The following ANLN variants were observed in gnomAD, a reference collection of about 807,000 sequenced individuals.
The protein encoded by ANLN is anillin.
ANLN carries 59 observed loss-of-function variants against 135.1 expected under a neutral mutation model. The observed-to-expected ratio is 0.44, with a 90% CI of 0.35 to 0.54. ANLN has a LOEUF of 0.54. Ranked by LOEUF, ANLN falls within the 20% of genes least tolerant of loss-of-function variation. The pLI, the probability that ANLN is intolerant of heterozygous loss-of-function variation, is 0.00. For missense variants in ANLN, 1,182 were observed against 1,340.0 expected (o/e 0.88, Z 1.84); for synonymous variants, 406 against 456.4 (o/e 0.89, Z 1.41).
chr7:36,392,458 T>A (rs1786516710), intron 1 of ANLN, among the ~76,000 whole-genome samples: 1 of 148,200 alleles, frequency 6.7e-6, no homozygotes, highest in East Asian at 1.9e-4. Flanking sequence ...AAGCTTCAGT[T>A]ACCTGAGATT....
intron 3 of ANLN, 114 bp from the exon 4 acceptor site, chr7:36,406,067 T>C: frequency 1.1e-6 from 1 of 946,772 alleles, no homozygotes; most frequent in Non-Finnish European, 1.5e-6. Flanking sequence ...AACTTTTCAC[T>C]GGTTCTTAAA....
chr7:36,421,062 G>A (rs1010291409), intron 12 of ANLN, among the ~76,000 whole-genome samples: 5 of 149,710 alleles, frequency 3.3e-5, no homozygotes, highest in African/African-American at 1.2e-4. Context: ...GTTTTTTCAT[G>A]CTAAGGAAGC....
intron 20 of ANLN, among the ~76,000 whole-genome samples, chr7:36,427,953 C>T (rs1279362904): frequency 2.6e-5 from 4 of 151,932 alleles, no homozygotes; most frequent in Admixed American, 6.5e-5. Flanking sequence ...TTCTGTAGTG[C>T]GAATATAGAG....
intron 22 of ANLN, among the ~76,000 whole-genome samples, chr7:36,446,107 A>G (rs934041480): frequency 2.0e-5 from 3 of 152,084 alleles, no homozygotes; most frequent in East Asian, 1.9e-4. Flanking sequence ...GGCCTGGCGT[A>G]TCTTTTAATT....
intron 7 of ANLN, among the ~76,000 whole-genome samples, chr7:36,414,449 G>A (rs1287025706): frequency 6.6e-6 from 1 of 152,124 alleles, no homozygotes; most frequent in Admixed American, 6.5e-5. Context: ...AAAGGAAGGA[G>A]GAAAGTAGCA....
At chr7:36,429,951 T>C (rs1385717043) in intron 20 of ANLN, among the ~76,000 whole-genome samples, 1 of 152,216 alleles carries the variant, frequency 6.6e-6, no homozygotes, top group Non-Finnish European at 1.5e-5. Flanking sequence ...ATTTGTTGTG[T>C]CTTTTACTCT....
At chr7:36,400,736 T>A (rs1786912093) in intron 3 of ANLN, among the ~76,000 whole-genome samples, 2 of 152,326 alleles carry the variant, frequency 1.3e-5, no homozygotes, top group African/African-American at 4.8e-5. Context: ...CAGTGGCTAC[T>A]GGGCCTCACC....
At position 36,389,891 on chromosome 7, in the gene ANLN, G is replaced by A. The variant is rs1786343401; in HGVS notation, c.-136G>A. On this transcript the variant is annotated 5_prime_UTR_variant, in exon 1 of 24. Coordinates refer to ENST00000265748, the MANE Select transcript of ANLN (RefSeq NM_018685.5). ...CCGTCACTGGAAGCCGAGAGGAGAGGACAGCTGGTTGTGGGAGAGTTCCCC... is the reference window on the plus strand; with the variant it reads ...CCGTCACTGGAAGCCGAGAGGAGAGAACAGCTGGTTGTGGGAGAGTTCCCC... The A allele has an allele frequency of 2.0e-6, 3 of 1,509,856 alleles. No individual in the cohort carries two copies. Among genetic ancestry groups the A allele is most frequent in the East Asian group, 4.5e-5 (2 of 44,038 alleles). The allele number at this position is 1,509,856 out of a possible 1,614,324, so 93.5% of individuals were successfully genotyped here. A position where few individuals can be genotyped will look rare whatever the true frequency, so the allele number is the denominator to read the frequency against.
chr7:36,422,539 C>A, intron 13 of ANLN, 94 bp from the exon 14 acceptor site: 1 of 1,110,914 alleles, frequency 9.0e-7, no homozygotes, highest in Non-Finnish European at 1.3e-6. Flanking sequence ...TTCGCTGTTA[C>A]GTACAGTTTC....
chr7:36,441,597 G>C lies in ANLN; in HGVS notation c.2971-2158G>C, dbSNP rs547864982. 5.3e-5 allele frequency among the ~76,000 whole-genome samples: 8 copies of C among 152,336 alleles called. 1 individual carries two copies. The East Asian group carries it at 1.5e-3, about 29-fold the overall frequency. On this transcript the variant is annotated intron_variant, in intron 21 of 23. Coordinates refer to ENST00000265748, the MANE Select transcript of ANLN (RefSeq NM_018685.5). ...CACTGAGGAGCAGCAAGAGGCAGGC[G>C]CTCTGGATTGGCAGCCAGAAGGTTC...
intron 20 of ANLN, 49 bp downstream of exon 20, chr7:36,427,077 G>A: frequency 8.2e-7 from 1 of 1,226,016 alleles, no homozygotes; most frequent in Non-Finnish European, 1.2e-6. Flanking sequence ...TTTAATCTTA[G>A]AAAAATTAGC....
At chr7:36,393,999 C>G (rs1048644353) in intron 1 of ANLN, among the ~76,000 whole-genome samples, 8 of 152,136 alleles carry the variant, frequency 5.3e-5, no homozygotes, top group African/African-American at 1.9e-4. Context: ...ACTCTGTTAC[C>G]CAGGCTGGAG....
chr7:36,410,633 G>T lies in ANLN; in HGVS notation c.1216G>T (p.Ala406Ser). 6.2e-7 allele frequency: 1 copy of T among 1,614,014 alleles called. No individual in the cohort carries two copies. The highest frequency in any genetic ancestry group is 8.5e-7 in the Non-Finnish European group (1 of 1,179,990). The change falls in exon 6 of 24, where the codon GCC becomes TCC. Residue 406 changes from alanine to serine, a missense_variant. Transcript: ENST00000265748. ...CCCCATTATTACTCCAAATACAAAG[G>T]CCATCCAAGAAAGATTATTCAAGCA... ...RTPIITPNTK[A>S]IQERLFKQDT...
chr7:36,439,818 A>G (rs1199078122), intron 21 of ANLN, among the ~76,000 whole-genome samples: 2 of 152,196 alleles, frequency 1.3e-5, no homozygotes, highest in Non-Finnish European at 2.9e-5. Flanking sequence ...GAGGGCATGC[A>G]TGTGATTGGT....
chr7:36,411,232 C>A (rs1787401249), intron 7 of ANLN, 66 bp downstream of exon 7: 1 of 1,255,772 alleles, frequency 8.0e-7, no homozygotes, highest in South Asian at 1.5e-5. Context: ...ATTTGTAGTT[C>A]TGTATTGGCA....
At chr7:36,397,553 A>C (rs1236564671) in intron 2 of ANLN, among the ~76,000 whole-genome samples, 1 of 152,240 alleles carries the variant, frequency 6.6e-6, no homozygotes, top group Non-Finnish European at 1.5e-5. Context: ...AGATGTGTTC[A>C]TAGAAAATAG....
intron 2 of ANLN, among the ~76,000 whole-genome samples, chr7:36,398,220 A>T (rs16879369): frequency 6.6e-6 from 1 of 150,888 alleles, no homozygotes; most frequent in African/African-American, 2.4e-5. Context: ...ATAGGTGTTC[A>T]TAGAAGCTTG....
chr7:36,411,851 T>TC (rs1250278148), intron 7 of ANLN, among the ~76,000 whole-genome samples: 1 of 152,184 alleles, frequency 6.6e-6, no homozygotes, highest in Non-Finnish European at 1.5e-5. Context: ...AACCTTTTTT[T>TC]CTCAGTTGCT....
At chr7:36,431,479 TTGACTCAGAA>T (rs1428933477) in intron 20 of ANLN, among the ~76,000 whole-genome samples, 1 of 151,488 alleles carries the variant, frequency 6.6e-6, no homozygotes, top group African/African-American at 2.4e-5. Flanking sequence ...CCTTTCTATC[TTGACTCAGAA>T]GTCAATGTTA....
Sources: gnomAD v4.1 joint callset for allele counts (sites outside exome capture counted in the v4.1 genomes callset) on GRCh38, gnomAD v4.1.1 for gene constraint, MANE v1.5 for transcripts, NCBI Gene and HGNC (gene_info 2026-07-23, HGNC 2026-07-21) for gene names.